Variants in EDNRA observed in about 807,000 individuals in gnomAD.
EDNRA encodes endothelin-1 receptor.
A neutral mutation model predicts 41.4 loss-of-function variants in EDNRA; 11 were observed. The observed-to-expected ratio is 0.27, with a 90% CI of 0.17 to 0.44. The LOEUF (loss-of-function observed/expected upper bound fraction) is 0.44. Among genes scored for constraint, EDNRA ranks in the 20% least tolerant of loss-of-function variants. EDNRA has a pLI of 1.00. For missense variants in EDNRA, 294 were observed against 531.0 expected, an observed-to-expected ratio of 0.55 and a Z score of 4.39; for synonymous variants, 172 against 183.0, an observed-to-expected ratio of 0.94 and a Z score of 0.49.
intron 1 of EDNRA, among the ~76,000 whole-genome samples, chr4:147,483,436 C>T (rs899210195): frequency 6.6e-6 from 1 of 152,072 alleles, no homozygotes; most frequent in African/African-American, 2.4e-5. Context: ...AAGCTCAAGG[C>T]AGATAACAGA....
In EDNRA at chr4:147,526,911, C is replaced by T. The variant is rs569080062; in HGVS notation, c.549-5595C>T. Among the ~76,000 whole-genome samples, 76 of 152,342 alleles carry T rather than the reference C, an allele frequency of 5.0e-4. 1 individual carries two copies. The highest frequency in any genetic ancestry group is 8.5e-4 in the Non-Finnish European group (58 of 68,032). On this transcript the variant is annotated intron_variant, in intron 3 of 7. Coordinates refer to ENST00000651419, the MANE Select transcript of EDNRA (RefSeq NM_001957.4). ...GGAGGCTACAGCTATGATTGTGCCA[C>T]TGCACTTCAGCCTGGATGACAGAGT...
intron 3 of EDNRA, among the ~76,000 whole-genome samples, chr4:147,529,304 A>T (rs776565689): frequency 6.6e-6 from 1 of 152,100 alleles, no homozygotes; most frequent in African/African-American, 2.4e-5. Flanking sequence ...AGGCAGTTGG[A>T]GGTACAAGTC....
At chr4:147,508,744 A>C (rs1317188873) in intron 2 of EDNRA, among the ~76,000 whole-genome samples, 1 of 152,166 alleles carries the variant, frequency 6.6e-6, no homozygotes, top group East Asian at 1.9e-4. Flanking sequence ...CCTTTATTAA[A>C]ACTCAATTGA....
chr4:147,503,224 C>A (rs1729574251), intron 2 of EDNRA, among the ~76,000 whole-genome samples: 1 of 152,054 alleles, frequency 6.6e-6, no homozygotes, highest in Admixed American at 6.5e-5. Context: ...ATTCATCATA[C>A]ACACACACTT....
In EDNRA at chr4:147,485,838, C is replaced by T. The variant is rs1427520780; in HGVS notation, c.157C>T (p.Gln53Ter). 1 of 1,614,258 alleles carries T rather than the reference C, an allele frequency of 6.2e-7. No individual in the cohort carries two copies. The change falls in exon 2 of 8, where the codon CAA (glutamine) becomes TAA (stop). Residue 53 changes from glutamine (Q) to a stop codon, truncating the protein, a stop_gained. Transcript: ENST00000651419. LOFTEE classifies it high-confidence loss of function. ...GCTCAGCTTCCTGGTTACCACTCAT[C>T]AACCCACTAATTTGGTCCTACCCAG... ...TELSFLVTTH[Q>*]PTNLVLPSNG...
intron 7 of EDNRA, among the ~76,000 whole-genome samples, chr4:147,541,828 A>G (rs1211165124): frequency 6.6e-6 from 1 of 152,220 alleles, no homozygotes; most frequent in Non-Finnish European, 1.5e-5. Flanking sequence ...TTAGTACATT[A>G]TATAAGGTGA....
chr4:147,485,243 G>A (rs1357997287), intron 1 of EDNRA, among the ~76,000 whole-genome samples: 1 of 145,322 alleles, frequency 6.9e-6, no homozygotes, highest in Admixed American at 6.8e-5. Context: ...GTATAGCTAT[G>A]TATAGAGATG....
At position 147,486,897 on chromosome 4, in the gene EDNRA, C is replaced by T. The variant is rs1728966000; in HGVS notation, c.420+796C>T. ...ACTGTATTAGGCCATTTCTACATTG[C>T]TATTAAAAAAAAAAAAAAAAGGCTG... On this transcript the variant is annotated intron_variant, in intron 2 of 7. Coordinates refer to ENST00000651419, the MANE Select transcript of EDNRA (RefSeq NM_001957.4). The surrounding 1 kb of genome is among the most constrained non-coding windows in gnomAD (Gnocchi z 4.3). Among the ~76,000 whole-genome samples the T allele has an allele frequency of 9.1e-6, 1 of 109,304 alleles. No homozygotes were observed. Among genetic ancestry groups the T allele is most frequent in the African/African-American group, 6.9e-5 (1 of 14,560 alleles). 71.7% of individuals were successfully genotyped at this position (109,304 alleles called of 152,430 possible).
At chr4:147,514,751 G>A (rs917584573) in intron 2 of EDNRA, among the ~76,000 whole-genome samples, 4 of 152,158 alleles carry the variant, frequency 2.6e-5, no homozygotes, top group African/African-American at 9.7e-5. Context: ...AGGGATTACA[G>A]GTGTGAGCCA....
chr4:147,492,935 T>C (rs1729188445), intron 2 of EDNRA: 1 of 152,152 alleles, frequency 6.6e-6, no homozygotes, highest in Non-Finnish European at 1.5e-5. Context: ...CATGGTCATG[T>C]TAAGTAATTA....
Position 147,485,732 on chromosome 4 carries a change from T to C in EDNRA, c.51T>C (p.Cys17=). ...CCTTTTGGCTGGCACTGGTTGGATG[T>C]GTAATCAGTGATAATCCTGAGAGAT... ...RASFWLALVG[C]VISDNPERYS... is the part of the protein sequence containing the mutation. The change falls in exon 2 of 8, where the codon TGT becomes TGC. Residue 17 remains cysteine, a synonymous_variant. Transcript: ENST00000651419. 6.2e-7 allele frequency: 1 copy of C among 1,613,988 alleles called. No homozygotes were observed. The highest frequency in any genetic ancestry group is 8.5e-7 in the Non-Finnish European group (1 of 1,179,920).
rs535597913 is a variant in EDNRA at position 147,528,365 on chromosome 4, T to TC, written c.549-4141_549-4140insC. Among the ~76,000 whole-genome samples the TC allele has an allele frequency of 2.6e-3, 387 of 150,944 alleles. 3 individuals carry two copies. The highest frequency in any genetic ancestry group is 8.7e-3 in the African/African-American group (360 of 41,244). ...TTTTCTTTTCTTGCTTTCTTTTTTT[T>TC]TTTTTTTTTTCAGACAGGGTCTTAC... On this transcript the variant is annotated intron_variant, in intron 3 of 7. Coordinates refer to ENST00000651419, the MANE Select transcript of EDNRA (RefSeq NM_001957.4).
At chr4:147,535,768 T>C in intron 4 of EDNRA, 109 bp from the exon 5 acceptor site, 1 of 1,358,900 alleles carries the variant, frequency 7.4e-7, no homozygotes. Context: ...AGCATGATTT[T>C]ACAGATGTAT....
intron 7 of EDNRA, 49 bp from the exon 8 acceptor site, chr4:147,542,429 G>A: frequency 1.2e-6 from 2 of 1,611,682 alleles, no homozygotes; most frequent in Middle Eastern, 1.7e-4. Flanking sequence ...TGTTTGGCCG[G>A]GAATGGGCTG....
chr4:147,532,959 A>AAAGC (rs1344467931), intron 4 of EDNRA, among the ~76,000 whole-genome samples: 1 of 148,370 alleles, frequency 6.7e-6, no homozygotes, highest in Non-Finnish European at 1.5e-5. Flanking sequence ...TAAGAATACC[A>AAAGC]AAGCAAATTT....
Position 147,542,638 on chromosome 4 carries a change from T to G in EDNRA, c.*20T>G, listed in dbSNP as rs745678905. Reference sequence around the variant, plus strand: ...AACTGACCACCCTTAGAAGCACTCCTCGGTACTCCCATAATCCTCTCGGAG... The same window carrying G: ...AACTGACCACCCTTAGAAGCACTCCGCGGTACTCCCATAATCCTCTCGGAG... On this transcript the variant is annotated 3_prime_UTR_variant, in exon 8 of 8. Coordinates refer to ENST00000651419, the MANE Select transcript of EDNRA (RefSeq NM_001957.4). 1 of 1,612,720 alleles carries G rather than the reference T, an allele frequency of 6.2e-7. No individual in the cohort carries two copies. The highest frequency in any genetic ancestry group is 1.7e-5 in the Admixed American group (1 of 59,938).
intron 2 of EDNRA, among the ~76,000 whole-genome samples, chr4:147,517,475 GCCTACAGGCAGGGACCTAATTTCC>G (rs1730155391): frequency 6.6e-6 from 1 of 152,190 alleles, no homozygotes; most frequent in African/African-American, 2.4e-5. Context: ...GGGGGACGTT[GCCTACAGGCAGGGACCTAATTTCC>G]TCCTAGCAGC....
chr4:147,519,028 T>A lies in EDNRA; in HGVS notation c.421-823T>A, dbSNP rs549597061. Among the ~76,000 whole-genome samples the A allele has an allele frequency of 6.6e-6, 1 of 152,206 alleles. No homozygotes were observed. The highest frequency in any genetic ancestry group is 2.4e-5 in the African/African-American group (1 of 41,446). On this transcript the variant is annotated intron_variant, in intron 2 of 7. Coordinates refer to ENST00000651419, the MANE Select transcript of EDNRA (RefSeq NM_001957.4). The surrounding 1 kb of genome is among the most constrained non-coding windows in gnomAD (Gnocchi z 4.1). The stretch of plus-strand genomic sequence containing the variant: ...TACCCAGCACAGCCACTAGAGGGTG[T>A]CCACTCTTGCCTTGCAAACAAGGTT...
At chr4:147,488,969 G>C (rs987766488) in intron 2 of EDNRA, 7 of 152,176 alleles carry the variant, frequency 4.6e-5, no homozygotes, top group Admixed American at 1.3e-4. Flanking sequence ...TTACATTTAT[G>C]TAGCTATGAA....
Sources: allele counts gnomAD v4.1 joint callset (sites outside exome capture counted in the v4.1 genomes callset), GRCh38; gene constraint gnomAD v4.1.1; non-coding constraint Gnocchi (gnomAD v3.1); transcripts MANE v1.5; gene names NCBI Gene and HGNC (gene_info 2026-07-23, HGNC 2026-07-21).